The following CD44 variants were observed in gnomAD, a reference collection of about 807,000 sequenced individuals.
CD44 encodes the protein CD44 antigen.
CD44 carries 49 observed loss-of-function variants against 88.8 expected under a neutral mutation model. That is an observed-to-expected ratio of 0.55 (90% CI 0.44 to 0.70). The LOEUF (loss-of-function observed/expected upper bound fraction) is 0.70, where lower values mean the gene tolerates loss of function less well. Among genes scored for constraint, CD44 ranks in the 30% least tolerant of loss-of-function variants. The pLI is 0.00. For missense variants in CD44, 883 were observed against 913.8 expected, an observed-to-expected ratio of 0.97 and a Z score of 0.43; for synonymous variants, 325 against 312.3, an observed-to-expected ratio of 1.04 and a Z score of -0.43.
rs1946411452 is a variant in CD44, at chr11:35,192,927, A to G, written c.667+2862A>G. On this transcript the variant is annotated intron_variant, in intron 5 of 17. Coordinates refer to ENST00000428726, the MANE Select transcript of CD44 (RefSeq NM_000610.4). ...TTTCAGGAAGACAAAAATAACGCCT[A>G]TTTCTATCTTGTTCTTGTAGGTTTG... 5.4e-5 allele frequency among the ~76,000 whole-genome samples: 8 copies of G among 149,420 alleles called. No individual in the cohort carries two copies. In the Admixed American group the frequency reaches 5.4e-4, roughly 10 times the overall value.
intron 15 of CD44, among the ~76,000 whole-genome samples, chr11:35,215,496 G>T (rs1948755561): frequency 1.3e-5 from 2 of 152,330 alleles, no homozygotes; most frequent in East Asian, 1.9e-4. Flanking sequence ...ACTGGTATTT[G>T]TTGGGAATTT....
intron 7 of CD44, 160 bp downstream of exon 7, chr11:35,198,406 T>C (rs1946969807): frequency 3.4e-6 from 2 of 587,118 alleles, no homozygotes; most frequent in Non-Finnish European, 2.8e-6. Context: ...GAAGAAGAAA[T>C]AGAATGTTTT....
intron 1 of CD44, among the ~76,000 whole-genome samples, chr11:35,157,285 A>T (rs1173589317): frequency 6.6e-6 from 1 of 151,464 alleles, no homozygotes; most frequent in Non-Finnish European, 1.5e-5. Context: ...TTCTTAAAAA[A>T]CCTTGTCTAT....
chr11:35,176,960 G>A (rs1944526510), intron 2 of CD44: 1 of 504,468 alleles, frequency 2.0e-6, no homozygotes, highest in Non-Finnish European at 3.5e-6. Context: ...GAACCCAGAG[G>A]AAGCCATTAG....
At position 35,221,734 on chromosome 11, in the gene CD44, T is replaced by G; in HGVS notation, c.2024+2T>G. 6.2e-7 allele frequency: 1 copy of G among 1,613,608 alleles called. No individual in the cohort carries two copies. The highest frequency in any genetic ancestry group is 8.5e-7 in the Non-Finnish European group (1 of 1,179,508). Reference sequence around the variant, plus strand: ...CATTGCAGTCAACAGTCGAAGAAGGTAAGGGGCTGTCCTGGGGGCTTTCAA... The same window carrying G: ...CATTGCAGTCAACAGTCGAAGAAGGGAAGGGGCTGTCCTGGGGGCTTTCAA... On this transcript the variant is annotated splice_donor_variant, in intron 17 of 17. Transcript: ENST00000428726. LOFTEE classifies it high-confidence loss of function.
chr11:35,224,003 C>T (rs1949514392), intron 17 of CD44, among the ~76,000 whole-genome samples: 1 of 152,196 alleles, frequency 6.6e-6, no homozygotes, highest in Non-Finnish European at 1.5e-5. Context: ...AAAAAGAGTA[C>T]CACCCCTTTT....
rs772609000 is a variant in CD44, at chr11:35,180,356, A to G, written c.316A>G (p.Ile106Val). The change falls in exon 3 of 18, where the codon ATC becomes GTC. Residue 106 changes from isoleucine (I) to valine (V), a missense_variant. Ile to Val is a conservative substitution (Grantham distance 29). Coordinates refer to ENST00000428726, the MANE Select transcript of CD44 (RefSeq NM_000610.4). ...TGCAGCAAACAACACAGGGGTGTAC[A>G]TCCTCACATCCAACACCTCCCAGTA... ...ICAANNTGVY[I>V]LTSNTSQYDT... is the part of the protein sequence containing the mutation. 1.9e-6 allele frequency: 3 copies of G among 1,614,136 alleles called. No homozygotes were observed. Among genetic ancestry groups the G allele is most frequent in the Non-Finnish European group, 2.5e-6 (3 of 1,179,976 alleles).
At chr11:35,222,678 G>T in intron 17 of CD44, 1 of 895,304 alleles carries the variant, frequency 1.1e-6, no homozygotes, top group Non-Finnish European at 1.3e-6. Context: ...CTTTAACAGG[G>T]GTATAAATCT....
chr11:35,149,341 T>C (rs1329348303), intron 1 of CD44, among the ~76,000 whole-genome samples: 1 of 152,198 alleles, frequency 6.6e-6, no homozygotes, highest in Non-Finnish European at 1.5e-5. Context: ...CTGGCTTTGA[T>C]AAGAGTCATT....
chr11:35,178,494 G>C (rs576990669), intron 2 of CD44, among the ~76,000 whole-genome samples: 17 of 152,204 alleles, frequency 1.1e-4, no homozygotes, highest in Non-Finnish European at 2.1e-4. Context: ...CTCAGCCCAG[G>C]ACAGGATTTT....
intron 7 of CD44, among the ~76,000 whole-genome samples, chr11:35,200,816 T>C (rs1343788358): frequency 6.6e-6 from 1 of 152,154 alleles, no homozygotes; most frequent in Non-Finnish European, 1.5e-5. Context: ...TGCTGCAGCT[T>C]CTTTGACTGT....
rs1269746241 is a variant in CD44, at chr11:35,214,889, T to C, written c.1848T>C (p.His616=). The C allele has an allele frequency of 6.4e-7, 1 of 1,561,728 alleles. No homozygotes were observed. Residue 616 remains histidine (H), a synonymous_variant, in exon 15 of 18, where the codon CAT becomes CAC. Coordinates refer to ENST00000428726, the MANE Select transcript of CD44 (RefSeq NM_000610.4). ...CATTCCACCCCAGTGGGGGGTCCCA[T>C]ACCACTCATGGATCTGAATCAGATG... ...QDTFHPSGGS[H]TTHGSESDGH...
chr11:35,219,451 A>C, intron 16 of CD44, 64 bp downstream of exon 16: 1 of 1,169,590 alleles, frequency 8.5e-7, no homozygotes, highest in African/African-American at 1.5e-5. Flanking sequence ...TGTCCCAGCA[A>C]GGACGAAGAG....
In CD44 at chr11:35,206,230, A is replaced by C. The variant is rs769060537; in HGVS notation, c.1401A>C (p.Ala467=). 38 of 1,609,158 alleles carry C rather than the reference A, an allele frequency of 2.4e-5. No homozygotes were observed. Among genetic ancestry groups the C allele is most frequent in the Non-Finnish European group, 3.1e-5 (37 of 1,177,880 alleles). ...ISHPMGRGHQ[A]GRRMDMDSSH... ...ACCCCATGGGACGAGGTCATCAAGC[A>C]GGAAGAAGGATGGGTAATAGCCTCT... The change falls in exon 11 of 18, where the codon GCA becomes GCC. Residue 467 remains alanine, a synonymous_variant. Coordinates refer to ENST00000428726, the MANE Select transcript of CD44 (RefSeq NM_000610.4).
At chr11:35,207,591 T>C (rs1178822359) in intron 11 of CD44, among the ~76,000 whole-genome samples, 1 of 152,232 alleles carries the variant, frequency 6.6e-6, no homozygotes, top group African/African-American at 2.4e-5. Context: ...CCCTGTATAC[T>C]TTCTGTAACT....
At chr11:35,166,557 A>G (rs569212306) in intron 1 of CD44, among the ~76,000 whole-genome samples, 1 of 152,304 alleles carries the variant, frequency 6.6e-6, no homozygotes, top group East Asian at 1.9e-4. Context: ...GGTAACAGCT[A>G]GGAGAACCCT....
chr11:35,212,405 T>A (rs1465123504), intron 14 of CD44: 2 of 152,120 alleles, frequency 1.3e-5, no homozygotes, highest in African/African-American at 4.8e-5. Context: ...ATATATAATT[T>A]TTTTTTTTGA....
chr11:35,166,792 C>G (rs1943324280), intron 1 of CD44, among the ~76,000 whole-genome samples: 1 of 152,248 alleles, frequency 6.6e-6, no homozygotes, highest in South Asian at 2.1e-4. Flanking sequence ...TTGTGCATGA[C>G]TGTTTTCTCT....
chr11:35,204,440 A>G, intron 9 of CD44, 72 bp from the exon 10 acceptor site: 2 of 1,492,508 alleles, frequency 1.3e-6, no homozygotes, highest in African/African-American at 1.4e-5. Flanking sequence ...CCCTTAAAGT[A>G]GAAAGATATG....
Sources: gnomAD v4.1 joint callset for allele counts (sites outside exome capture counted in the v4.1 genomes callset) on GRCh38, gnomAD v4.1.1 for gene constraint, MANE v1.5 for transcripts, NCBI Gene and HGNC (gene_info 2026-07-23, HGNC 2026-07-21) for gene names.